The following ACAP2 variants were observed in gnomAD, a reference collection of about 807,000 sequenced individuals.
ACAP2 encodes ArfGAP with coiled-coil, ankyrin repeat and PH domains 2, also known as arf-GAP with coiled-coil, ANK repeat and PH domain-containing protein 2.
A neutral mutation model predicts 115.8 loss-of-function variants in ACAP2; 39 were observed. The ratio of observed to expected loss-of-function variants is 0.34; its 90% CI spans 0.26 to 0.44. The LOEUF is 0.44. Among genes scored for constraint, ACAP2 ranks in the 20% least tolerant of loss-of-function variants. ACAP2 has a pLI of 1.00. For synonymous variants in ACAP2, 289 were observed against 315.8 expected (o/e 0.92, Z 0.90); for missense variants, 662 against 927.6 (o/e 0.71, Z 3.72).
chr3:195,385,246 C>CAAA (rs112932639), intron 2 of ACAP2, among the ~76,000 whole-genome samples: 2 of 118,734 alleles, frequency 1.7e-5, no homozygotes, highest in Non-Finnish European at 3.5e-5. Context: ...TCTCTGTATT[C>CAAA]AAAAAAAAAA....
chr3:195,357,825 G>A (rs1332153691), intron 4 of ACAP2: 2 of 152,302 alleles, frequency 1.3e-5, no homozygotes, highest in Admixed American at 6.5e-5. Flanking sequence ...AGTTCTGCAT[G>A]GCTGGGGAGG....
At position 195,442,955 on chromosome 3, in the gene ACAP2, G is replaced by T. The variant is rs1359611798; in HGVS notation, c.-108C>A. 3 of 1,048,290 alleles carry T rather than the reference G, an allele frequency of 2.9e-6. No homozygotes were observed. The highest frequency in any genetic ancestry group is 3.9e-6 in the Non-Finnish European group (3 of 764,024). The allele number at this position is 1,048,290 out of a possible 1,614,324, so 64.9% of individuals were successfully genotyped here. On this transcript the variant is annotated 5_prime_UTR_variant, in exon 1 of 23. Coordinates refer to ENST00000326793, the MANE Select transcript of ACAP2 (RefSeq NM_012287.6). ...GGCGCACGGCCGCGACTAGCGTTGCGCGGAGCTGCGAAGGGCGCCTCGCCC... is the reference window on the plus strand; with the variant it reads ...GGCGCACGGCCGCGACTAGCGTTGCTCGGAGCTGCGAAGGGCGCCTCGCCC...
chr3:195,339,933 T>C (rs1221663408), intron 6 of ACAP2, among the ~76,000 whole-genome samples: 1 of 151,594 alleles, frequency 6.6e-6, no homozygotes, highest in Non-Finnish European at 1.5e-5. Flanking sequence ...AATATATAAA[T>C]AAATATTTAC....
In ACAP2 at chr3:195,311,103, G is replaced by T. The variant is rs201696044; in HGVS notation, c.858-2266C>A. ...ATTGTGGTTTTTTTGTTTTTTTTTT[G>T]TTTTTTTTTTTGAAGCAGAGTCTCA... On this transcript the variant is annotated intron_variant, in intron 10 of 22. Transcript: ENST00000326793. Among the ~76,000 whole-genome samples the T allele has an allele frequency of 3.0e-3, 423 of 139,186 alleles. 3 individuals carry two copies. Among genetic ancestry groups the T allele is most frequent in the Middle Eastern group, 0.018 (5 of 276 alleles). 91.3% of individuals were successfully genotyped at this position (139,186 alleles called of 152,430 possible).
rs1169299821 is a variant in ACAP2 at position 195,404,235 on chromosome 3, GGAA to G, written c.54-12091_54-12089del. Among the ~76,000 whole-genome samples, 5 of 152,218 alleles carry G rather than the reference GGAA, an allele frequency of 3.3e-5. No individual in the cohort carries two copies. The South Asian group carries it at 1.0e-3, about 32-fold the overall frequency. On this transcript the variant is annotated intron_variant, in intron 1 of 22. Transcript: ENST00000326793. ...AGGGAAGTGAAAAAAGTGTTATCAA[GGAA>G]GAAGGAGTAATCAAGTATGTCAAAA...
At chr3:195,415,313 T>G in intron 1 of ACAP2, among the ~76,000 whole-genome samples, 1 of 148,942 alleles carries the variant, frequency 6.7e-6, no homozygotes. Context: ...GGAGTCTTGC[T>G]CTGTTGCCAG....
intron 4 of ACAP2, among the ~76,000 whole-genome samples, chr3:195,347,128 ATAACTT>A (rs569865413): frequency 1.3e-5 from 2 of 152,352 alleles, no homozygotes; most frequent in African/African-American, 4.8e-5. Flanking sequence ...AAATTTAAAA[ATAACTT>A]TAAAATATGA....
intron 15 of ACAP2, among the ~76,000 whole-genome samples, chr3:195,301,232 C>A (rs562818260): frequency 4.6e-5 from 7 of 152,100 alleles, no homozygotes; most frequent in South Asian, 2.1e-4. Context: ...ACTACAGGCA[C>A]CCGCCACCAC....
chr3:195,359,485 T>C (rs1732204518), intron 4 of ACAP2, among the ~76,000 whole-genome samples: 1 of 152,234 alleles, frequency 6.6e-6, no homozygotes, highest in Non-Finnish European at 1.5e-5. Flanking sequence ...TTGTTTGTTT[T>C]GAGACAGAGT....
At chr3:195,420,509 C>T (rs1032596428) in intron 1 of ACAP2, among the ~76,000 whole-genome samples, 4 of 151,908 alleles carry the variant, frequency 2.6e-5, no homozygotes, top group East Asian at 1.9e-4. Flanking sequence ...CCACCACACC[C>T]GGCTAATTTT....
At chr3:195,394,214 G>A (rs1411612452) in intron 1 of ACAP2, among the ~76,000 whole-genome samples, 1 of 152,076 alleles carries the variant, frequency 6.6e-6, no homozygotes, top group Non-Finnish European at 1.5e-5. Flanking sequence ...TTCTATCACT[G>A]TGCACCTCGC....
chr3:195,357,071 T>C (rs1732021803), intron 4 of ACAP2, among the ~76,000 whole-genome samples: 1 of 151,910 alleles, frequency 6.6e-6, no homozygotes, highest in African/African-American at 2.4e-5. Flanking sequence ...CCTCTGGAAC[T>C]ACCCTAAGCC....
At chr3:195,380,006 T>C (rs537215773) in intron 4 of ACAP2, among the ~76,000 whole-genome samples, 2 of 152,254 alleles carry the variant, frequency 1.3e-5, no homozygotes, top group South Asian at 2.1e-4. Context: ...TTGATAACGA[T>C]GTGGAGAACT....
At chr3:195,319,037 T>TC (rs1577292703) in intron 10 of ACAP2, among the ~76,000 whole-genome samples, 1 of 152,286 alleles carries the variant, frequency 6.6e-6, no homozygotes, top group East Asian at 1.9e-4. Context: ...ACCCAGGCAC[T>TC]CCAATTCCAG....
chr3:195,355,981 C>T, intron 4 of ACAP2: 1 of 383,402 alleles, frequency 2.6e-6, no homozygotes, highest in South Asian at 1.9e-5. Flanking sequence ...CACCGATTGT[C>T]CTCCCTGCAG....
intron 4 of ACAP2, among the ~76,000 whole-genome samples, chr3:195,371,110 A>G (rs1733107611): frequency 6.6e-6 from 1 of 152,264 alleles, no homozygotes; most frequent in East Asian, 1.9e-4. Flanking sequence ...ACTATCATTG[A>G]TAGTTTGATG....
intron 2 of ACAP2, among the ~76,000 whole-genome samples, chr3:195,391,228 C>CTTTT (rs1186667963): frequency 2.3e-5 from 3 of 129,880 alleles, no homozygotes; most frequent in Non-Finnish European, 3.3e-5. Context: ...GCTTCTCTTT[C>CTTTT]TTTTTTTTTT....
intron 1 of ACAP2, among the ~76,000 whole-genome samples, chr3:195,435,183 C>T (rs911449125): frequency 6.8e-6 from 1 of 147,418 alleles, no homozygotes; most frequent in Non-Finnish European, 1.5e-5. Context: ...TTTGAGATCT[C>T]TTTTTTTTTT....
chr3:195,301,859 G>A (rs1728081101), intron 14 of ACAP2, 107 bp downstream of exon 14: 2 of 1,326,210 alleles, frequency 1.5e-6, no homozygotes, highest in South Asian at 1.4e-5. Context: ...GATACAAACT[G>A]GTGATTAAAT....
Sources: gnomAD v4.1 joint callset for allele counts (sites outside exome capture counted in the v4.1 genomes callset) on GRCh38, gnomAD v4.1.1 for gene constraint, MANE v1.5 for transcripts, NCBI Gene and HGNC (gene_info 2026-07-23, HGNC 2026-07-21) for gene names.